The following KCNT2 variants were observed in gnomAD, a reference collection of about 807,000 sequenced individuals.
KCNT2 encodes potassium channel subfamily T member 2.
KCNT2 carries 67 observed loss-of-function variants against 153.8 expected under a neutral mutation model. The ratio of observed to expected loss-of-function variants is 0.44; its 90% CI spans 0.36 to 0.53. KCNT2 has a LOEUF of 0.53. Among genes scored for constraint, KCNT2 ranks in the 20% least tolerant of loss-of-function variants. The pLI is 0.00. For missense variants in KCNT2, 975 were observed against 1,354.8 expected, an observed-to-expected ratio of 0.72 and a Z score of 4.40; for synonymous variants, 500 against 458.8, an observed-to-expected ratio of 1.09 and a Z score of -1.15.
chr1:196,291,809 C>T (rs1395320990), intron 22 of KCNT2, among the ~76,000 whole-genome samples: 2 of 152,110 alleles, frequency 1.3e-5, no homozygotes, highest in African/African-American at 4.8e-5. Flanking sequence ...TATCATAGGT[C>T]ATGGTAGCAA....
At chr1:196,378,442 G>T (rs181292597) in intron 13 of KCNT2, among the ~76,000 whole-genome samples, 109 of 152,082 alleles carry the variant, frequency 7.2e-4, no homozygotes, top group Admixed American at 2.0e-3. Flanking sequence ...ATGAAACTTG[G>T]AGTATTTGTC....
intron 18 of KCNT2, among the ~76,000 whole-genome samples, chr1:196,330,145 G>C (rs1254592359): frequency 1.3e-5 from 2 of 150,362 alleles, no homozygotes; most frequent in Non-Finnish European, 3.0e-5. Flanking sequence ...CAACTTCAGG[G>C]AAACAAAGGC....
chr1:196,437,945 C>T (rs10801535), intron 8 of KCNT2, among the ~76,000 whole-genome samples: 40,924 of 151,102 alleles, frequency 0.27, 5,942 homozygotes, highest in East Asian at 0.33. Flanking sequence ...TGATTATGAC[C>T]TCACTTTACT....
At chr1:196,527,385 G>A (rs1654376394) in intron 1 of KCNT2, among the ~76,000 whole-genome samples, 1 of 152,158 alleles carries the variant, frequency 6.6e-6, no homozygotes. Flanking sequence ...ACATAAAAAT[G>A]CATCATACTA....
chr1:196,434,028 C>T (rs1035540778), intron 8 of KCNT2, among the ~76,000 whole-genome samples: 6 of 151,976 alleles, frequency 3.9e-5, no homozygotes, highest in Non-Finnish European at 2.9e-5. Flanking sequence ...TCGTTTTATG[C>T]TTACAAATTT....
intron 14 of KCNT2, among the ~76,000 whole-genome samples, chr1:196,358,033 A>G (rs753099657): frequency 6.6e-6 from 1 of 151,460 alleles, no homozygotes; most frequent in Non-Finnish European, 1.5e-5. Context: ...AGACCCTAAC[A>G]ATTTACAGGC....
chr1:196,254,973 A>G (rs1656330799), intron 26 of KCNT2, among the ~76,000 whole-genome samples: 1 of 151,676 alleles, frequency 6.6e-6, no homozygotes, highest in South Asian at 2.1e-4. Flanking sequence ...TACTAACAGT[A>G]TGAAATTTAT....
intron 13 of KCNT2, among the ~76,000 whole-genome samples, chr1:196,397,012 T>C (rs538797189): frequency 6.6e-6 from 1 of 151,632 alleles, no homozygotes; most frequent in South Asian, 2.1e-4. Flanking sequence ...ACAATATCCA[T>C]TCATAGAACA....
At chr1:196,453,781 A>C (rs1019931436) in intron 8 of KCNT2, among the ~76,000 whole-genome samples, 7 of 151,934 alleles carry the variant, frequency 4.6e-5, no homozygotes, top group Non-Finnish European at 8.8e-5. Context: ...ATCGGTACTC[A>C]ACATAGAAAA....
At chr1:196,523,993 G>A (rs545208554) in intron 1 of KCNT2, among the ~76,000 whole-genome samples, 5 of 152,230 alleles carry the variant, frequency 3.3e-5, no homozygotes, top group African/African-American at 9.6e-5. Flanking sequence ...ACACAGATCA[G>A]ATAGCACAAA....
chr1:196,479,406 C>T (rs544705926), intron 4 of KCNT2, among the ~76,000 whole-genome samples, 168 bp from the exon 5 acceptor site: 1 of 152,258 alleles, frequency 6.6e-6, no homozygotes, highest in South Asian at 2.1e-4. Flanking sequence ...TGACAGGCTG[C>T]TGGCCAGAGT....
intron 21 of KCNT2, among the ~76,000 whole-genome samples, chr1:196,315,092 T>A (rs1434234168): frequency 6.6e-6 from 1 of 151,686 alleles, no homozygotes. Context: ...TACTACAATA[T>A]GAAAGTATGA....
At chr1:196,231,800 G>A (rs978608348) in intron 27 of KCNT2, among the ~76,000 whole-genome samples, 7 of 151,806 alleles carry the variant, frequency 4.6e-5, no homozygotes, top group African/African-American at 1.7e-4. Flanking sequence ...TTCAGAATAA[G>A]TAGTTTCAAT....
intron 3 of KCNT2, among the ~76,000 whole-genome samples, chr1:196,489,522 A>G (rs1316406089): frequency 6.6e-6 from 1 of 151,980 alleles, no homozygotes; most frequent in Non-Finnish European, 1.5e-5. Flanking sequence ...GAAAATCAAG[A>G]ACAAAATTGC....
intron 13 of KCNT2, among the ~76,000 whole-genome samples, chr1:196,380,230 T>G (rs1167001416): frequency 2.0e-5 from 3 of 152,210 alleles, no homozygotes; most frequent in African/African-American, 7.2e-5. Context: ...TAGAAGCATA[T>G]GACTTTTAAA....
chr1:196,258,837 T>G (rs1036667464), intron 25 of KCNT2, among the ~76,000 whole-genome samples: 3 of 152,138 alleles, frequency 2.0e-5, no homozygotes, highest in African/African-American at 7.2e-5. Context: ...CCAGACATTT[T>G]ACAACTTTAT....
intron 3 of KCNT2, among the ~76,000 whole-genome samples, chr1:196,484,239 A>G (rs1280078211): frequency 1.3e-5 from 2 of 152,226 alleles, no homozygotes; most frequent in East Asian, 3.9e-4. Context: ...ATGGTATCTC[A>G]CTGTGATTTT....
intron 8 of KCNT2, among the ~76,000 whole-genome samples, chr1:196,462,046 T>C (rs74134330): frequency 0.019 from 2,824 of 151,862 alleles, 82 homozygotes; most frequent in African/African-American, 0.065. Context: ...TTTAGTAATG[T>C]TAATTTCTGA....
At chr1:196,567,678 T>C (rs1660273710) in intron 1 of KCNT2, among the ~76,000 whole-genome samples, 1 of 152,132 alleles carries the variant, frequency 6.6e-6, no homozygotes, top group Non-Finnish European at 1.5e-5. Context: ...TTCTGTCACA[T>C]CCCTGAAGTG....
Sources: allele counts gnomAD v4.1 joint callset (sites outside exome capture counted in the v4.1 genomes callset), GRCh38; gene constraint gnomAD v4.1.1; transcripts MANE v1.5; gene names NCBI Gene and HGNC (gene_info 2026-07-23, HGNC 2026-07-21).